The following CEP57 variants were observed in gnomAD, a reference collection of about 807,000 sequenced individuals.
CEP57 encodes centrosomal protein of 57 kDa.
CEP57 carries 40 observed loss-of-function variants against 68.0 expected under a neutral mutation model. The ratio of observed to expected loss-of-function variants is 0.59; its 90% CI spans 0.46 to 0.77. The LOEUF (loss-of-function observed/expected upper bound fraction) is 0.77. Ranked by LOEUF, CEP57 falls within the 30% of genes least tolerant of loss-of-function variation. The pLI is 0.00. For synonymous variants in CEP57, 219 were observed against 198.7 expected (o/e 1.10, Z -0.86); for missense variants, 606 against 580.7 (o/e 1.04, Z -0.45).
chr11:95,817,175 G>A (rs1034660188), intron 4 of CEP57, among the ~76,000 whole-genome samples: 8 of 151,158 alleles, frequency 5.3e-5, no homozygotes, highest in Non-Finnish European at 7.4e-5. Flanking sequence ...AGACCATCCT[G>A]GCTAACACGA....
intron 1 of CEP57, among the ~76,000 whole-genome samples, chr11:95,791,380 C>T (rs1311888629): frequency 6.6e-6 from 1 of 152,168 alleles, no homozygotes; most frequent in Non-Finnish European, 1.5e-5. Flanking sequence ...CATCAAATGT[C>T]ACCATCCAGT....
intron 2 of CEP57, among the ~76,000 whole-genome samples, chr11:95,803,192 TA>T (rs1565314514): frequency 6.6e-6 from 1 of 152,108 alleles, no homozygotes; most frequent in Non-Finnish European, 1.5e-5. Flanking sequence ...TGAAGATGAT[TA>T]GGGGTATGAT....
At position 95,790,665 on chromosome 11, in the gene CEP57, C is replaced by T; in HGVS notation, c.-34C>T. 1.2e-6 allele frequency: 2 copies of T among 1,611,640 alleles called. No individual in the cohort carries two copies. The highest frequency in any genetic ancestry group is 2.2e-5 in the South Asian group (2 of 90,476). On this transcript the variant is annotated 5_prime_UTR_variant, in exon 1 of 11. Coordinates refer to ENST00000325542, the MANE Select transcript of CEP57 (RefSeq NM_014679.5). ...AAGAGCACGAGAACCTAGACCGCCC[C>T]CGAAGTGCGGAGACCCCCTGGGCAG... is the stretch of plus-strand genomic sequence containing the variant.
rs1170474932 is a variant in CEP57 at position 95,814,357 on chromosome 11, A to ATTTTT, written c.504+784_504+788dup. 1.5e-3 allele frequency among the ~76,000 whole-genome samples: 169 copies of ATTTTT among 109,906 alleles called. 3 individuals carry two copies. Among genetic ancestry groups the ATTTTT allele is most frequent in the African/African-American group, 3.1e-3 (88 of 28,438 alleles). The allele number at this position is 109,906 out of a possible 152,430, so 72.1% of individuals were successfully genotyped here. ...AGCCACTGTCCCTGGCCTTGTGTGT[A>ATTTTT]TTTTTTTTTTTTTTTTTTTTGAGAC... On this transcript the variant is annotated intron_variant, in intron 4 of 10. Coordinates refer to ENST00000325542, the MANE Select transcript of CEP57 (RefSeq NM_014679.5).
upstream of CEP57, chr11:95,790,332 A>G (rs977156911): frequency 2.7e-6 from 1 of 372,390 alleles, no homozygotes. Flanking sequence ...GACCCTCCGT[A>G]GAATCCCCGC....
At position 95,821,851 on chromosome 11, in the gene CEP57, G is replaced by C. The variant is rs923018567; in HGVS notation, c.700-20G>C. The C allele has an allele frequency of 1.3e-6, 2 of 1,504,474 alleles. No homozygotes were observed. Among genetic ancestry groups the C allele is most frequent in the African/African-American group, 1.4e-5 (1 of 72,700 alleles). The allele number at this position is 1,504,474 out of a possible 1,614,324, so 93.2% of individuals were successfully genotyped here. On this transcript the variant is annotated intron_variant, in intron 6 of 10. Transcript: ENST00000325542. ...GCTTTTATTTCTACAGCATTAACTT[G>C]AGGCTCTCATTTTTCCTAGTTGCAG...
chr11:95,824,141 G>A (rs1862638439), intron 8 of CEP57, among the ~76,000 whole-genome samples: 1 of 151,390 alleles, frequency 6.6e-6, no homozygotes, highest in Admixed American at 6.6e-5. Context: ...AGCTACTCAG[G>A]AGGCTGACAG....
At chr11:95,818,317 A>G (rs1862387171) in intron 5 of CEP57, among the ~76,000 whole-genome samples, 1 of 151,742 alleles carries the variant, frequency 6.6e-6, no homozygotes, top group Admixed American at 6.6e-5. Context: ...AGGCTGAGAC[A>G]GGAGAATCGC....
chr11:95,801,544 T>G (rs1210648847), intron 2 of CEP57, among the ~76,000 whole-genome samples: 3 of 147,710 alleles, frequency 2.0e-5, no homozygotes, highest in African/African-American at 7.5e-5. Flanking sequence ...AAACAAAATA[T>G]CCATTTACAA....
intron 10 of CEP57, 78 bp downstream of exon 10, chr11:95,829,409 CACTA>C: frequency 7.3e-7 from 1 of 1,361,160 alleles, no homozygotes; most frequent in Non-Finnish European, 1.0e-6. Flanking sequence ...TAAATGATGA[CACTA>C]AGTGTATCAT....
chr11:95,802,155 G>A (rs974891100), intron 2 of CEP57, among the ~76,000 whole-genome samples: 2 of 151,932 alleles, frequency 1.3e-5, no homozygotes, highest in East Asian at 1.9e-4. Context: ...GAGGAAAAAC[G>A]AAATAATAGA....
intron 10 of CEP57, 66 bp from the exon 11 acceptor site, chr11:95,830,957 TTTG>T: frequency 8.1e-7 from 1 of 1,236,236 alleles, no homozygotes; most frequent in Non-Finnish European, 1.2e-6. Context: ...TCTTGTACTT[TTTG>T]TTGTCAGAAA....
At chr11:95,823,648 A>G (rs959635560) in intron 8 of CEP57, among the ~76,000 whole-genome samples, 2 of 152,200 alleles carry the variant, frequency 1.3e-5, no homozygotes, top group Non-Finnish European at 2.9e-5. Context: ...AAGATGCAGT[A>G]TGAAATCATA....
chr11:95,805,128 T>C (rs889997259), intron 2 of CEP57, among the ~76,000 whole-genome samples: 2 of 152,300 alleles, frequency 1.3e-5, no homozygotes, highest in African/African-American at 2.4e-5. Context: ...TTGTGTACTG[T>C]TGGGTATAAT....
In CEP57 at chr11:95,813,089, TGAG is replaced by T; in HGVS notation, c.363_365del (p.Glu122del). The T allele has an allele frequency of 6.2e-7, 1 of 1,612,928 alleles. No homozygotes were observed. The highest frequency in any genetic ancestry group is 8.5e-7 in the Non-Finnish European group (1 of 1,179,916). On this transcript the variant is annotated inframe_deletion, in exon 3 of 11. Coordinates refer to ENST00000325542, the MANE Select transcript of CEP57 (RefSeq NM_014679.5). Reference sequence around the variant, plus strand: ...TACAAGAAAGGGAGAATTCAAAGAATGAGGAATCAAAGCACAATCAAGGTTTGT... The same window carrying T: ...TACAAGAAAGGGAGAATTCAAAGAATGAATCAAAGCACAATCAAGGTTTGT...
At chr11:95,794,652 C>T (rs546904937) in intron 1 of CEP57, among the ~76,000 whole-genome samples, 1 of 152,040 alleles carries the variant, frequency 6.6e-6, no homozygotes, top group Non-Finnish European at 1.5e-5. Flanking sequence ...CCAGAGACAT[C>T]TTGGCTGGTC....
chr11:95,831,140 A>G lies in CEP57; in HGVS notation c.1387A>G (p.Lys463Glu), dbSNP rs776393035. The G allele has an allele frequency of 1.4e-5, 23 of 1,613,462 alleles. No individual in the cohort carries two copies. In the East Asian group the frequency reaches 5.1e-4, roughly 36 times the overall value. The part of the protein sequence containing the change: ...RSGITGTTNK[K>E]DFMKLRPGEK... ...TGGAATCACAGGGACCACAAATAAG[A>G]AAGATTTTATGAAACTGAGACCTGG... The change falls in exon 11 of 11, where the codon AAA becomes GAA. Residue 463 changes from lysine to glutamate, a missense_variant. By Grantham distance (56) the Lys-to-Glu change is moderately conservative (BLOSUM62 1). Transcript: ENST00000325542.
chr11:95,823,523 TATC>T (rs1411241645), intron 8 of CEP57, among the ~76,000 whole-genome samples: 2 of 152,198 alleles, frequency 1.3e-5, no homozygotes, highest in African/African-American at 4.8e-5. Flanking sequence ...TAGTGCATTT[TATC>T]ATTTACTACC....
intron 1 of CEP57, among the ~76,000 whole-genome samples, chr11:95,798,982 C>G (rs1266958230): frequency 6.6e-6 from 1 of 152,136 alleles, no homozygotes; most frequent in Non-Finnish European, 1.5e-5. Flanking sequence ...TTAAGTATTT[C>G]TGCACAGCAT....
Sources: allele counts gnomAD v4.1 joint callset (sites outside exome capture counted in the v4.1 genomes callset), GRCh38; gene constraint gnomAD v4.1.1; transcripts MANE v1.5; gene names NCBI Gene and HGNC (gene_info 2026-07-23, HGNC 2026-07-21).